Variants in FAT3 observed in about 807,000 individuals in gnomAD.
FAT3 encodes the protein protocadherin Fat 3.
A neutral mutation model predicts 310.2 loss-of-function variants in FAT3; 95 were observed. The ratio of observed to expected loss-of-function variants is 0.31; its 90% CI spans 0.26 to 0.36. The LOEUF is 0.36. Ranked by LOEUF, FAT3 falls within the 10% of genes least tolerant of loss-of-function variation. FAT3 has a pLI of 1.00. For missense variants in FAT3, 5,408 were observed against 5,715.6 expected, an observed-to-expected ratio of 0.95 and a Z score of 1.74; for synonymous variants, 2,314 against 2,192.9, an observed-to-expected ratio of 1.06 and a Z score of -1.54.
intron 1 of FAT3, among the ~76,000 whole-genome samples, chr11:92,289,185 G>A (rs888396614): frequency 6.6e-6 from 1 of 152,034 alleles, no homozygotes; most frequent in Non-Finnish European, 1.5e-5. Flanking sequence ...CACACATGTT[G>A]GCTGGCAGTT....
Position 92,352,209 on chromosome 11 carries a change from C to T in FAT3, c.97C>T (p.Leu33=), listed in dbSNP as rs770432757. The change falls in exon 2 of 28, where the codon CTG becomes TTG. Residue 33 remains leucine (L), a synonymous_variant. Transcript: ENST00000525166. The part of the protein sequence containing the change: ...FKLLATVSQG[L]PGTGPLGFHF... ...GCTTTTGGCCACTGTCTCCCAGGGGCTGCCAGGGACTGGACCCCTGGGCTT... is the reference window on the plus strand; with the variant it reads ...GCTTTTGGCCACTGTCTCCCAGGGGTTGCCAGGGACTGGACCCCTGGGCTT... The T allele has an allele frequency of 7.3e-7, 1 of 1,379,016 alleles. No individual in the cohort carries two copies. Among genetic ancestry groups the T allele is most frequent in the African/African-American group, 1.5e-5 (1 of 68,390 alleles). 85.4% of individuals were successfully genotyped at this position (1,379,016 alleles called of 1,614,324 possible).
intron 21 of FAT3, among the ~76,000 whole-genome samples, chr11:92,865,523 C>G (rs376572458): frequency 6.6e-6 from 1 of 152,206 alleles, no homozygotes; most frequent in Non-Finnish European, 1.5e-5. Context: ...ATGACTCAGA[C>G]GCTGGCCTCC....
intron 2 of FAT3, among the ~76,000 whole-genome samples, chr11:92,416,683 C>G (rs1012502501): frequency 1.3e-5 from 2 of 152,174 alleles, no homozygotes; most frequent in Non-Finnish European, 2.9e-5. Flanking sequence ...AATAGAAAGC[C>G]AGTCCTTGGA....
At chr11:92,272,826 T>C (rs186103402) in intron 1 of FAT3, among the ~76,000 whole-genome samples, 68 of 152,242 alleles carry the variant, frequency 4.5e-4, no homozygotes, top group African/African-American at 1.6e-3. Context: ...TTGCTAGACC[T>C]TTTGCAAAAT....
intron 2 of FAT3, chr11:92,498,346 C>A (rs1056910007): frequency 4.2e-6 from 1 of 237,252 alleles, no homozygotes; most frequent in Non-Finnish European, 8.7e-6. Flanking sequence ...CAAGCCTTTT[C>A]TTTGTCTTTT....
At chr11:92,423,123 C>G (rs946159819) in intron 2 of FAT3, among the ~76,000 whole-genome samples, 1 of 152,124 alleles carries the variant, frequency 6.6e-6, no homozygotes, top group African/African-American at 2.4e-5. Flanking sequence ...AGGAAAATCT[C>G]TGAGACATGC....
intron 3 of FAT3, among the ~76,000 whole-genome samples, chr11:92,551,414 T>TTTGTGTG (rs139398937): frequency 7.8e-6 from 1 of 128,876 alleles, no homozygotes; most frequent in Non-Finnish European, 1.6e-5. Context: ...TTTTTTTGTT[T>TTTGTGTG]TGTGTGTGTG....
intron 3 of FAT3, among the ~76,000 whole-genome samples, chr11:92,674,811 A>G (rs981590092): frequency 2.6e-5 from 4 of 152,146 alleles, no homozygotes; most frequent in African/African-American, 9.6e-5. Flanking sequence ...TTACAGGCAT[A>G]AGCCACTAGC....
rs369292867 is a variant in FAT3, at chr11:92,353,514, C to G, written c.1402C>G (p.His468Asp). ...CATCAGCATAGAAGATGCAAATGAC[C>G]ACACCCCAGAATTTCAGCAACCACT... ...VTISIEDAND[H>D]TPEFQQPLYD... is the part of the protein sequence containing the mutation. Residue 468 changes from histidine (H) to aspartate (D), a missense_variant, in exon 2 of 28, where the codon CAC becomes GAC. This residue lies in a region of FAT3 where 4,588 missense variants were observed against 4,809.8 expected (regional missense o/e 0.95). Transcript: ENST00000525166. 6 of 1,613,466 alleles carry G rather than the reference C, an allele frequency of 3.7e-6. No individual in the cohort carries two copies. In the Middle Eastern group the frequency reaches 5.0e-4, roughly 133 times the overall value.
At chr11:92,767,405 C>A (rs1013917982) in intron 6 of FAT3, among the ~76,000 whole-genome samples, 5 of 152,128 alleles carry the variant, frequency 3.3e-5, no homozygotes, top group African/African-American at 1.2e-4. Context: ...GTCCAAGCAC[C>A]TCTACAGCCT....
intron 3 of FAT3, among the ~76,000 whole-genome samples, chr11:92,539,401 T>C (rs578256257): frequency 2.0e-5 from 3 of 152,302 alleles, no homozygotes; most frequent in African/African-American, 7.2e-5. Flanking sequence ...TGTTTAGAAA[T>C]ATTAGAGATG....
intron 2 of FAT3, among the ~76,000 whole-genome samples, chr11:92,520,595 G>T (rs1394743189): frequency 1.3e-5 from 2 of 152,086 alleles, no homozygotes; most frequent in Non-Finnish European, 2.9e-5. Flanking sequence ...AGTGAGATTT[G>T]ATTGATAAAA....
chr11:92,599,123 C>T (rs975957455), intron 3 of FAT3, among the ~76,000 whole-genome samples: 1 of 152,166 alleles, frequency 6.6e-6, no homozygotes, highest in Non-Finnish European at 1.5e-5. Flanking sequence ...GGGGAGTACA[C>T]TTCTTGCTCA....
chr11:92,433,393 G>A (rs921962663), intron 2 of FAT3, among the ~76,000 whole-genome samples: 25 of 152,204 alleles, frequency 1.6e-4, no homozygotes, highest in African/African-American at 5.5e-4. Flanking sequence ...CTGGTCTGCA[G>A]GTTGCAAAGA....
chr11:92,291,774 G>A (rs1398060447), intron 1 of FAT3, among the ~76,000 whole-genome samples: 1 of 152,050 alleles, frequency 6.6e-6, no homozygotes, highest in African/African-American at 2.4e-5. Flanking sequence ...ATTCAGAAAA[G>A]CATGCAAATT....
At chr11:92,529,869 T>C (rs1954007925) in intron 3 of FAT3, among the ~76,000 whole-genome samples, 1 of 152,216 alleles carries the variant, frequency 6.6e-6, no homozygotes, top group African/African-American at 2.4e-5. Context: ...AGTTCAGCTT[T>C]CTTTTGCTTT....
chr11:92,456,993 G>A (rs957186143), intron 2 of FAT3, among the ~76,000 whole-genome samples: 2 of 152,290 alleles, frequency 1.3e-5, no homozygotes, highest in South Asian at 4.1e-4. Context: ...TCTGGAGCAG[G>A]AGAGGACACA....
chr11:92,457,058 A>G (rs566491811), intron 2 of FAT3, among the ~76,000 whole-genome samples: 5 of 152,278 alleles, frequency 3.3e-5, no homozygotes, highest in African/African-American at 1.2e-4. Context: ...AGAGTATAAA[A>G]TGTGATTTAT....
intron 3 of FAT3, among the ~76,000 whole-genome samples, chr11:92,557,547 A>C (rs1402714764): frequency 6.6e-6 from 1 of 152,164 alleles, no homozygotes; most frequent in Non-Finnish European, 1.5e-5. Context: ...GTTGAACCCC[A>C]GGCCACTGAT....
Sources: allele counts gnomAD v4.1 joint callset (sites outside exome capture counted in the v4.1 genomes callset), GRCh38; gene constraint gnomAD v4.1.1; regional missense constraint gnomAD v4.1.1; transcripts MANE v1.5; gene names NCBI Gene and HGNC (gene_info 2026-07-23, HGNC 2026-07-21).